The following GUCY1A2 variants were observed in gnomAD, a reference collection of about 807,000 sequenced individuals.
GUCY1A2 encodes guanylate cyclase 1 soluble subunit alpha 2, also known as guanylate cyclase soluble subunit alpha-2.
A neutral mutation model predicts 63.5 loss-of-function variants in GUCY1A2; 27 were observed. The ratio of observed to expected loss-of-function variants is 0.43; its 90% CI spans 0.31 to 0.59. The LOEUF is 0.59. GUCY1A2 is among the 20% of genes least tolerant of loss of function. The probability of loss-of-function intolerance (pLI) is 0.11; values close to 1 mark genes in which losing one functional copy is unlikely to be tolerated. For missense variants in GUCY1A2, 768 were observed against 913.3 expected (o/e 0.84, Z 2.05); for synonymous variants, 364 against 343.5 (o/e 1.06, Z -0.66).
intron 4 of GUCY1A2, among the ~76,000 whole-genome samples, chr11:106,934,979 A>G (rs1860656194): frequency 6.6e-6 from 1 of 152,246 alleles, no homozygotes; most frequent in African/African-American, 2.4e-5. Context: ...AAAAGACATT[A>G]GTAGATACAG....
intron 4 of GUCY1A2, among the ~76,000 whole-genome samples, chr11:106,931,563 T>C (rs1860602465): frequency 9.8e-6 from 1 of 102,264 alleles, no homozygotes; most frequent in Non-Finnish European, 2.0e-5. Context: ...ACATTATTCA[T>C]AATAGCCAAA....
In GUCY1A2 at chr11:106,900,244, C is replaced by T. The variant is rs372368689; in HGVS notation, c.1206+39216G>A. The stretch of plus-strand genomic sequence containing the variant: ...TATCACCCAGGCTGGAGTACAGCGG[C>T]ACTATATCTGCTCCCCGCAACCTCC... On this transcript the variant is annotated intron_variant, in intron 4 of 7. Coordinates refer to ENST00000526355, the MANE Select transcript of GUCY1A2 (RefSeq NM_000855.3). Among the ~76,000 whole-genome samples the T allele has an allele frequency of 4.6e-5, 7 of 152,080 alleles. No individual in the cohort carries two copies. The East Asian group carries it at 9.6e-4, about 21-fold the overall frequency.
chr11:106,816,603 T>C (rs1565299126), intron 4 of GUCY1A2, among the ~76,000 whole-genome samples: 1 of 148,060 alleles, frequency 6.8e-6, no homozygotes, highest in Non-Finnish European at 1.5e-5. Context: ...ACAAAAACCA[T>C]AAGAGAGGTA....
intron 4 of GUCY1A2, among the ~76,000 whole-genome samples, chr11:106,937,180 T>C (rs1354924785): frequency 6.6e-6 from 1 of 152,136 alleles, no homozygotes; most frequent in Non-Finnish European, 1.5e-5. Flanking sequence ...GATGAGTAGA[T>C]TTCTATCCTT....
At chr11:106,790,050 C>CTT (rs1864630687) in intron 5 of GUCY1A2, among the ~76,000 whole-genome samples, 1 of 152,216 alleles carries the variant, frequency 6.6e-6, no homozygotes, top group Non-Finnish European at 1.5e-5. Flanking sequence ...CTAAAAGCAG[C>CTT]AGGTGGCAAA....
chr11:106,856,212 C>T (rs1859431981), intron 4 of GUCY1A2, among the ~76,000 whole-genome samples: 2 of 151,846 alleles, frequency 1.3e-5, no homozygotes, highest in South Asian at 2.1e-4. Context: ...ATTGCTTGAG[C>T]CCGGAAAGCA....
chr11:106,728,068 G>A (rs1196804980), intron 6 of GUCY1A2, among the ~76,000 whole-genome samples: 1 of 152,142 alleles, frequency 6.6e-6, no homozygotes, highest in Non-Finnish European at 1.5e-5. Context: ...CATTTCATCT[G>A]ATGCTCCTCC....
rs1291972029 is a variant in GUCY1A2 at position 106,682,305 on chromosome 11, A to G, written c.*5244T>C. On this transcript the variant is annotated 3_prime_UTR_variant, in exon 8 of 8. Transcript: ENST00000526355. The stretch of plus-strand genomic sequence containing the variant: ...TCCCAGTCAACTTGTATTTATTCCT[A>G]GTAATTGGGATTATTTGAATACTTT... 1 of 217,370 alleles carries G rather than the reference A, an allele frequency of 4.6e-6. No homozygotes were observed. Among genetic ancestry groups the G allele is most frequent in the Admixed American group, 5.8e-5 (1 of 17,152 alleles). The allele number at this position is 217,370 out of a possible 1,614,324, so 13.5% of individuals were successfully genotyped here. A position where few individuals can be genotyped will look rare whatever the true frequency, so the allele number is the denominator to read the frequency against.
At chr11:106,929,451 C>G (rs912242360) in intron 4 of GUCY1A2, among the ~76,000 whole-genome samples, 1 of 152,272 alleles carries the variant, frequency 6.6e-6, no homozygotes, top group Admixed American at 6.5e-5. Context: ...CTAAATCTCT[C>G]TACTCCACCA....
At chr11:106,829,544 T>A (rs1293243555) in intron 4 of GUCY1A2, among the ~76,000 whole-genome samples, 1 of 152,152 alleles carries the variant, frequency 6.6e-6, no homozygotes, top group African/African-American at 2.4e-5. Flanking sequence ...ATGGTTAATA[T>A]TGAATGTCAA....
intron 5 of GUCY1A2, among the ~76,000 whole-genome samples, chr11:106,790,591 T>C (rs997124115): frequency 6.6e-6 from 1 of 152,110 alleles, no homozygotes; most frequent in Non-Finnish European, 1.5e-5. Context: ...ACAACTGAGA[T>C]TGCTGAGTCT....
intron 4 of GUCY1A2, among the ~76,000 whole-genome samples, chr11:106,816,831 T>C (rs1858838895): frequency 6.6e-6 from 1 of 151,818 alleles, no homozygotes; most frequent in African/African-American, 2.4e-5. Flanking sequence ...AGCTTTACAT[T>C]AAAAAATTTG....
intron 5 of GUCY1A2, among the ~76,000 whole-genome samples, chr11:106,777,445 C>G (rs1055455797): frequency 1.1e-5 from 1 of 91,404 alleles, no homozygotes; most frequent in Non-Finnish European, 2.1e-5. Flanking sequence ...GACTTGGTCT[C>G]AAAAAAAAAA....
At chr11:106,974,971 C>T (rs1406060001) in intron 3 of GUCY1A2, among the ~76,000 whole-genome samples, 3 of 152,062 alleles carry the variant, frequency 2.0e-5, no homozygotes, top group Non-Finnish European at 4.4e-5. Flanking sequence ...GCTCTCATTT[C>T]TATTTGTTCT....
At position 106,898,575 on chromosome 11, in the gene GUCY1A2, A is replaced by G. The variant is rs111940766; in HGVS notation, c.1206+40885T>C. Among the ~76,000 whole-genome samples the G allele has an allele frequency of 3.3e-3, 498 of 152,324 alleles. 3 individuals carry two copies. Among genetic ancestry groups the G allele is most frequent in the Non-Finnish European group, 5.5e-3 (373 of 68,018 alleles). On this transcript the variant is annotated intron_variant, in intron 4 of 7. Coordinates refer to ENST00000526355, the MANE Select transcript of GUCY1A2 (RefSeq NM_000855.3). ...ATAAGCAGAAAAATTAAATGTGCAT[A>G]ATTAAATGAAAGAACTCAATTTGAA...
chr11:106,802,923 T>C (rs1487909), intron 5 of GUCY1A2, among the ~76,000 whole-genome samples: 123,064 of 152,104 alleles, frequency 0.81, 50,580 homozygotes, highest in Non-Finnish European at 0.87. Flanking sequence ...ATTCAGTTCA[T>C]ACTGTTTGTA....
At chr11:106,841,361 C>A (rs1264332346) in intron 4 of GUCY1A2, among the ~76,000 whole-genome samples, 4 of 151,852 alleles carry the variant, frequency 2.6e-5, no homozygotes, top group Non-Finnish European at 5.9e-5. Context: ...TTTCAAAACA[C>A]TTATCATGCT....
intron 6 of GUCY1A2, among the ~76,000 whole-genome samples, chr11:106,737,216 T>C (rs936452092): frequency 2.6e-5 from 4 of 152,192 alleles, no homozygotes; most frequent in African/African-American, 9.7e-5. Flanking sequence ...ACACTCAAAG[T>C]GGTTTAATGA....
intron 1 of GUCY1A2, among the ~76,000 whole-genome samples, chr11:106,998,843 C>T (rs1861574651): frequency 1.3e-5 from 2 of 151,920 alleles, no homozygotes; most frequent in Admixed American, 1.3e-4. Flanking sequence ...TATAATGCCA[C>T]ATCATCAAAA....
Sources: gnomAD v4.1 joint callset for allele counts (sites outside exome capture counted in the v4.1 genomes callset) on GRCh38, gnomAD v4.1.1 for gene constraint, MANE v1.5 for transcripts, NCBI Gene and HGNC (gene_info 2026-07-23, HGNC 2026-07-21) for gene names.